Variants in WNT6 observed in about 807,000 individuals in gnomAD.
WNT6 encodes the protein Wnt family member 6, also known as protein Wnt-6.
WNT6 carries 27 observed loss-of-function variants against 33.1 expected under a neutral mutation model. That is an observed-to-expected ratio of 0.82 (90% CI 0.60 to 1.12). The LOEUF (loss-of-function observed/expected upper bound fraction) is 1.12, where lower values mean the gene tolerates loss of function less well. Among genes scored for constraint, WNT6 ranks in the 50% most tolerant of loss-of-function variants. The probability of loss-of-function intolerance (pLI) is 0.00; values close to 1 mark genes in which losing one functional copy is unlikely to be tolerated. For missense variants in WNT6, 494 were observed against 535.3 expected (o/e 0.92, Z 0.76); for synonymous variants, 249 against 242.8 (o/e 1.03, Z -0.24).
At chr2:218,864,610 C>G (rs1360873785) in intron 1 of WNT6, among the ~76,000 whole-genome samples, 1 of 152,170 alleles carries the variant, frequency 6.6e-6, no homozygotes, top group African/African-American at 2.4e-5. Context: ...TCCCCTTGTT[C>G]CACTAGGGAA....
intron 1 of WNT6, among the ~76,000 whole-genome samples, chr2:218,861,849 G>A (rs575371731): frequency 1.3e-5 from 2 of 152,202 alleles, no homozygotes; most frequent in East Asian, 1.9e-4. Context: ...CATACATTGG[G>A]CAACTATGCT....
Position 218,873,706 on chromosome 2 carries a change from G to T in WNT6, c.959G>T (p.Cys320Phe). Residue 320 changes from cysteine to phenylalanine, a missense_variant, in exon 4 of 4, where the codon TGC (cysteine) becomes TTC (phenylalanine). Physicochemically the swap from Cys to Phe is radical, Grantham distance 205. Coordinates refer to ENST00000233948, the MANE Select transcript of WNT6 (RefSeq NM_006522.4). This position sits in a 1 kb window ranked among gnomAD's most constrained non-coding sequence, Gnocchi z 6.1. ...CNSSAPDLSGCDLLCCGRGHR... is the reference protein window; with the variant it reads ...CNSSAPDLSGFDLLCCGRGHR... The stretch of plus-strand genomic sequence containing the variant: ...AGCAGCGCCCCGGACCTCAGCGGCT[G>T]CGACCTGCTGTGCTGCGGCCGCGGG... 1 of 1,575,190 alleles carries T rather than the reference G, an allele frequency of 6.3e-7. No individual in the cohort carries two copies. Among genetic ancestry groups the T allele is most frequent in the East Asian group, 2.3e-5 (1 of 42,710 alleles).
chr2:218,871,632 G>A lies in WNT6; in HGVS notation c.449G>A (p.Gly150Asp). Reference sequence around the variant, plus strand: ...CCTCCCCGGCCCTCCGGCCTGCCCGGCACCCCCGGACCCCCTGGCCCCGCG... The same window carrying A: ...CCTCCCCGGCCCTCCGGCCTGCCCGACACCCCCGGACCCCCTGGCCCCGCG... ...RAPPRPSGLP[G>D]TPGPPGPAGS... Residue 150 changes from glycine to aspartate, a missense_variant, in exon 3 of 4, where the codon GGC becomes GAC. Coordinates refer to ENST00000233948, the MANE Select transcript of WNT6 (RefSeq NM_006522.4). The surrounding 1 kb of genome is among the most constrained non-coding windows in gnomAD (Gnocchi z 6.4). 2.0e-6 allele frequency: 3 copies of A among 1,472,968 alleles called. No individual in the cohort carries two copies. The highest frequency in any genetic ancestry group is 2.7e-6 in the Non-Finnish European group (3 of 1,117,736). The allele number at this position is 1,472,968 out of a possible 1,614,324, so 91.2% of individuals were successfully genotyped here.
At position 218,859,925 on chromosome 2, in the gene WNT6, C is replaced by A; in HGVS notation, c.-113C>A. The A allele has an allele frequency of 2.2e-6, 2 of 902,650 alleles. No individual in the cohort carries two copies. The highest frequency in any genetic ancestry group is 5.3e-5 in the South Asian group (1 of 18,998). 55.9% of individuals were successfully genotyped at this position (902,650 alleles called of 1,614,324 possible). A position where few individuals can be genotyped will look rare whatever the true frequency, so the allele number is the denominator to read the frequency against. On this transcript the variant is annotated 5_prime_UTR_variant, in exon 1 of 4. Coordinates refer to ENST00000233948, the MANE Select transcript of WNT6 (RefSeq NM_006522.4). ...CGCCGCCGCCGGATCCCTCGCCTCC[C>A]GGCCGCCGCCGTTGCGCTCGCCGCG...
intron 1 of WNT6, among the ~76,000 whole-genome samples, chr2:218,863,290 A>G (rs960896918): frequency 6.6e-6 from 1 of 152,208 alleles, no homozygotes; most frequent in Non-Finnish European, 1.5e-5. Flanking sequence ...TACTTGTCAG[A>G]GAATCCTGGC....
At position 218,873,585 on chromosome 2, in the gene WNT6, G is replaced by A; in HGVS notation, c.838G>A (p.Gly280Ser). 2 of 1,545,206 alleles carry A rather than the reference G, an allele frequency of 1.3e-6. No individual in the cohort carries two copies. Among genetic ancestry groups the A allele is most frequent in the Non-Finnish European group, 8.7e-7 (1 of 1,149,698 alleles). The change falls in exon 4 of 4, where the codon GGC becomes AGC. Residue 280 changes from glycine to serine, a missense_variant. Coordinates refer to ENST00000233948, the MANE Select transcript of WNT6 (RefSeq NM_006522.4). The surrounding 1 kb of genome is among the most constrained non-coding windows in gnomAD (Gnocchi z 6.1). Reference sequence around the variant, plus strand: ...CGCCGTCCGCACGCTCAAGCCGCCGGGCCGAGCGGACCTCCTCTACGCCGC... The same window carrying A: ...CGCCGTCCGCACGCTCAAGCCGCCGAGCCGAGCGGACCTCCTCTACGCCGC... The part of the protein sequence containing the change: ...LPAVRTLKPP[G>S]RADLLYAADS...
chr2:218,865,091 C>T (rs1235790824), intron 1 of WNT6, among the ~76,000 whole-genome samples: 2 of 152,236 alleles, frequency 1.3e-5, no homozygotes, highest in Non-Finnish European at 1.5e-5. Flanking sequence ...GGGGTGCAGC[C>T]CCCTCCTGCC....
In WNT6 at chr2:218,874,022, A is replaced by C; in HGVS notation, c.*177A>C. On this transcript the variant is annotated 3_prime_UTR_variant, in exon 4 of 4. Coordinates refer to ENST00000233948, the MANE Select transcript of WNT6 (RefSeq NM_006522.4). The stretch of plus-strand genomic sequence containing the variant: ...GGCTTGAGAGGAACGCCCACCCACG[A>C]AGGCCCAGGGCGCCAGACGGCCCCG... 1 of 746,650 alleles carries C rather than the reference A, an allele frequency of 1.3e-6. No homozygotes were observed. Among genetic ancestry groups the C allele is most frequent in the Non-Finnish European group, 2.0e-6 (1 of 502,380 alleles). The allele number at this position is 746,650 out of a possible 1,614,324, so 46.3% of individuals were successfully genotyped here.
chr2:218,865,906 A>G (rs1944350398), intron 1 of WNT6, among the ~76,000 whole-genome samples: 1 of 77,816 alleles, frequency 1.3e-5, no homozygotes, highest in African/African-American at 5.0e-5. Context: ...AAGTTGGGTT[A>G]GGGGTGGTGA....
At chr2:218,865,824 G>A (rs1332641559) in intron 1 of WNT6, among the ~76,000 whole-genome samples, 1 of 152,110 alleles carries the variant, frequency 6.6e-6, no homozygotes, top group East Asian at 1.9e-4. Context: ...AGCGAAGTCT[G>A]TCAGGGAAGG....
At chr2:218,865,582 A>C (rs1408583035) in intron 1 of WNT6, among the ~76,000 whole-genome samples, 4 of 152,232 alleles carry the variant, frequency 2.6e-5, no homozygotes, top group Non-Finnish European at 5.9e-5. Context: ...CCCGGAATGC[A>C]GGCAGCTCAG....
At chr2:218,868,065 G>T (rs1164790380) in intron 1 of WNT6, among the ~76,000 whole-genome samples, 1 of 152,120 alleles carries the variant, frequency 6.6e-6, no homozygotes, top group Non-Finnish European at 1.5e-5. Flanking sequence ...GGACAGGAGG[G>T]CAGGGAACAA....
chr2:218,870,519 T>A (rs752038506), intron 1 of WNT6, among the ~76,000 whole-genome samples: 4 of 152,242 alleles, frequency 2.6e-5, no homozygotes, highest in Non-Finnish European at 5.9e-5. Context: ...CTGGGATTGT[T>A]CTTGCCTTTC....
Position 218,873,310 on chromosome 2 carries a change from T to C in WNT6, c.637-74T>C, listed in dbSNP as rs1328958493. On this transcript the variant is annotated intron_variant, in intron 3 of 3. Coordinates refer to ENST00000233948, the MANE Select transcript of WNT6 (RefSeq NM_006522.4). This position sits in a 1 kb window ranked among gnomAD's most constrained non-coding sequence, Gnocchi z 6.1. ...TTTCACCTCCCATTCCCAATCTTAT[T>C]TTCTGTCCATCCGCTGGGCCCTTCC... 2 of 1,401,042 alleles carry C rather than the reference T, an allele frequency of 1.4e-6. No individual in the cohort carries two copies. The highest frequency in any genetic ancestry group is 1.9e-6 in the Non-Finnish European group (2 of 1,046,056). The allele number at this position is 1,401,042 out of a possible 1,614,324, so 86.8% of individuals were successfully genotyped here.
chr2:218,860,817 C>T (rs1944301386), intron 1 of WNT6, among the ~76,000 whole-genome samples: 1 of 145,966 alleles, frequency 6.9e-6, no homozygotes, highest in African/African-American at 2.5e-5. Context: ...AAGGGGGCGT[C>T]TTCCCAGGCT....
At chr2:218,860,506 G>T (rs1037477210) in intron 1 of WNT6, among the ~76,000 whole-genome samples, 2 of 152,254 alleles carry the variant, frequency 1.3e-5, no homozygotes, top group Admixed American at 1.3e-4. Context: ...AGGCAGAGAG[G>T]GCCACACAGC....
At chr2:218,870,991 G>A (rs1246176735) in intron 1 of WNT6, 36 bp from the exon 2 acceptor site, 2 of 1,539,552 alleles carry the variant, frequency 1.3e-6, no homozygotes, top group South Asian at 1.2e-5. Flanking sequence ...CCCTTTTTTG[G>A]GTTACACCCC....
rs1301398523 is a variant in WNT6 at position 218,871,055 on chromosome 2, C to T, written c.109C>T (p.Pro37Ser). Residue 37 changes from proline to serine, a missense_variant, in exon 2 of 4, where the codon CCT (proline) becomes TCT (serine). Pro to Ser is a moderately conservative substitution (Grantham distance 74). Transcript: ENST00000233948. The surrounding 1 kb of genome is among the most constrained non-coding windows in gnomAD (Gnocchi z 6.4). Reference protein sequence around the residue: ...WAVGSPLVMDPTSICRKARRL... With the variant: ...WAVGSPLVMDSTSICRKARRL... ...TGTGGGCAGCCCCTTGGTTATGGAC[C>T]CTACCAGCATCTGCAGGAAGGCACG... 6.2e-7 allele frequency: 1 copy of T among 1,613,044 alleles called. No individual in the cohort carries two copies. The highest frequency in any genetic ancestry group is 8.5e-7 in the Non-Finnish European group (1 of 1,179,394).
intron 1 of WNT6, among the ~76,000 whole-genome samples, chr2:218,865,690 C>A (rs1307424540): frequency 6.6e-6 from 1 of 152,126 alleles, no homozygotes; most frequent in Admixed American, 6.5e-5. Flanking sequence ...GCCTCTCCTG[C>A]TCCCCTGTCC....
Sources: gnomAD v4.1 joint callset for allele counts (sites outside exome capture counted in the v4.1 genomes callset) on GRCh38, gnomAD v4.1.1 for gene constraint, Gnocchi (gnomAD v3.1) non-coding constraint, MANE v1.5 for transcripts, NCBI Gene and HGNC (gene_info 2026-07-23, HGNC 2026-07-21) for gene names.